ZNF324B: variants seen among roughly 807,000 people sequenced by gnomAD.
The protein encoded by ZNF324B is zinc finger protein 324B.
A neutral mutation model predicts 10.6 loss-of-function variants in ZNF324B; 7 were observed. The observed-to-expected ratio is 0.66, with a 90% CI of 0.38 to 1.24. The LOEUF (loss-of-function observed/expected upper bound fraction) is 1.24. Ranked by LOEUF, ZNF324B falls within the 50% of genes most tolerant of loss-of-function variation. ZNF324B has a pLI of 0.02. For synonymous variants in ZNF324B, 316 were observed against 321.0 expected, an observed-to-expected ratio of 0.98 and a Z score of 0.17; for missense variants, 640 against 764.7, an observed-to-expected ratio of 0.84 and a Z score of 1.92.
the ZNF324B span, chr19:58,433,657 T>G: frequency 6.8e-6 from 11 of 1,614,066 alleles, no homozygotes; most frequent in Non-Finnish European, 9.3e-6. Context: ...ATAAGGCTTT[T>G]CTCCAGTATG....
the ZNF324B span, chr19:58,433,541 C>A: frequency 1.2e-6 from 2 of 1,614,026 alleles, no homozygotes; most frequent in African/African-American, 1.3e-5. Context: ...CTGCTAAAGG[C>A]TCTCCCACAT....
In ZNF324B at chr19:58,456,397, C is replaced by A; in HGVS notation, c.1453C>A (p.Gln485Lys). Residue 485 changes from glutamine (Q) to lysine (K), a missense_variant, in exon 4 of 4, where the codon CAG becomes AAG. Physicochemically the swap from Gln to Lys is moderately conservative, Grantham distance 53 (BLOSUM62 1). Transcript: ENST00000336614. This position sits in a 1 kb window ranked among gnomAD's most constrained non-coding sequence, Gnocchi z 4.7. ...GGGCGAGAAGCCCTTCGTGTGCACG[C>A]AGTGTGGCCGCGCCTTCCGTGAGCG... ...HTGEKPFVCT[Q>K]CGRAFRERPA... is the part of the protein sequence containing the mutation. 6.2e-7 allele frequency: 1 copy of A among 1,613,254 alleles called. No homozygotes were observed. The highest frequency in any genetic ancestry group is 8.5e-7 in the Non-Finnish European group (1 of 1,180,028).
In ZNF324B at chr19:58,456,790, A is replaced by C. The variant is rs2052927478; in HGVS notation, c.*211A>C. 1 of 624,584 alleles carries C rather than the reference A, an allele frequency of 1.6e-6. No individual in the cohort carries two copies. The highest frequency in any genetic ancestry group is 3.0e-5 in the Admixed American group (1 of 33,816). The allele number at this position is 624,584 out of a possible 1,614,324, so 38.7% of individuals were successfully genotyped here. A position where few individuals can be genotyped will look rare whatever the true frequency, so the allele number is the denominator to read the frequency against. On this transcript the variant is annotated 3_prime_UTR_variant, in exon 4 of 4. Coordinates refer to ENST00000336614, the MANE Select transcript of ZNF324B (RefSeq NM_207395.3). This position sits in a 1 kb window ranked among gnomAD's most constrained non-coding sequence, Gnocchi z 4.7. The stretch of plus-strand genomic sequence containing the variant: ...TCACACCTCCATCCTCAAAGAGGTA[A>C]CACTGCAGAAACATCAGAGGGAGGA...
At chr19:58,440,506 C>T in the ZNF324B span, 1 of 152,598 alleles carries the variant, frequency 6.6e-6, no homozygotes, top group Non-Finnish European at 1.5e-5. Context: ...TTGTCTGCTT[C>T]TGAAGGGACC....
At chr19:58,421,918 C>T in the ZNF324B span, among the ~76,000 whole-genome samples, 1 of 151,788 alleles carries the variant, frequency 6.6e-6, no homozygotes, top group African/African-American at 2.4e-5. Context: ...ATAAAAATGT[C>T]ACTAGGTTTT....
At chr19:58,443,477 C>T in the ZNF324B span, 4 of 152,364 alleles carry the variant, frequency 2.6e-5, no homozygotes, top group Non-Finnish European at 5.9e-5. Context: ...GTGATGGTCC[C>T]TGCACCCACT....
chr19:58,457,410 A>G lies in ZNF324B; in HGVS notation c.*831A>G, dbSNP rs2052933297. 6.6e-6 allele frequency: 1 copy of G among 152,448 alleles called. No homozygotes were observed. The highest frequency in any genetic ancestry group is 2.4e-5 in the African/African-American group (1 of 41,450). The allele number at this position is 152,448 out of a possible 1,614,324, so 9.4% of individuals were successfully genotyped here. The stretch of plus-strand genomic sequence containing the variant: ...AAGGCCTGTCGCTCACTCATTTACA[A>G]AAGTCGATGTGAGGAGGAGCCTTTA... On this transcript the variant is annotated 3_prime_UTR_variant, in exon 4 of 4. Transcript: ENST00000336614.
At position 58,454,266 on chromosome 19, in the gene ZNF324B, G is replaced by C; in HGVS notation, c.160G>C (p.Glu54Gln). Residue 54 changes from glutamate (E) to glutamine (Q), a missense_variant, in exon 3 of 4, where the codon GAG becomes CAG. Glu to Gln is a conservative substitution (Grantham distance 29). This residue lies in a region of ZNF324B where 345 missense variants were observed against 387.9 expected (regional missense o/e 0.89). Transcript: ENST00000336614. Reference sequence around the variant, plus strand: ...CCGACCTCGTGTGGTCATTCAACTTGAGCGTGGCGAGGAGCCCTGGGTTCC... The same window carrying C: ...CCGACCTCGTGTGGTCATTCAACTTCAGCGTGGCGAGGAGCCCTGGGTTCC... Reference protein sequence around the residue: ...TSRPRVVIQLERGEEPWVPSG... With the variant: ...TSRPRVVIQLQRGEEPWVPSG... 1 of 1,614,102 alleles carries C rather than the reference G, an allele frequency of 6.2e-7. No homozygotes were observed. Among genetic ancestry groups the C allele is most frequent in the Non-Finnish European group, 8.5e-7 (1 of 1,179,990 alleles).
At chr19:58,442,998 G>A in the ZNF324B span, 1 of 32,078 alleles carries the variant, frequency 3.1e-5, no homozygotes, top group Non-Finnish European at 5.7e-5. Context: ...CCATTATACA[G>A]AGCACTGATT....
upstream of ZNF324B, among the ~76,000 whole-genome samples, chr19:58,449,283 T>C (rs2122331061): frequency 6.6e-6 from 1 of 152,330 alleles, no homozygotes; most frequent in East Asian, 1.9e-4. Flanking sequence ...TGCCCAGATT[T>C]GGAGCAGGCA....
chr19:58,438,434 C>A, the ZNF324B span, among the ~76,000 whole-genome samples: 3,556 of 152,036 alleles, frequency 0.023, 129 homozygotes, highest in African/African-American at 0.08. Context: ...GAAATCTACT[C>A]CTCACACCAA....
the ZNF324B span, chr19:58,437,919 G>A: frequency 2.2e-6 from 1 of 446,818 alleles, no homozygotes; most frequent in South Asian, 9.5e-5. Flanking sequence ...CTTTGTATGT[G>A]TTGTCTCCTC....
At position 58,455,835 on chromosome 19, in the gene ZNF324B, G is replaced by A. The variant is rs754810744; in HGVS notation, c.891G>A (p.Thr297=). Residue 297 remains threonine (T), a synonymous_variant, in exon 4 of 4, where the codon ACG becomes ACA. Transcript: ENST00000336614. The surrounding 1 kb of genome is among the most constrained non-coding windows in gnomAD (Gnocchi z 7.0). ...CTQCGKAFSQ[T]SHLTQHQRIH... ...AGTGCGGCAAGGCCTTCAGCCAGAC[G>A]TCGCACTTGACGCAGCACCAGCGCA... is the stretch of plus-strand genomic sequence containing the variant. The A allele has an allele frequency of 6.2e-7, 1 of 1,613,744 alleles. No individual in the cohort carries two copies. Among genetic ancestry groups the A allele is most frequent in the Non-Finnish European group, 8.5e-7 (1 of 1,179,908 alleles).
At chr19:58,451,996 G>C (rs1051750309) in intron 1 of ZNF324B, 9 of 240,816 alleles carry the variant, frequency 3.7e-5, no homozygotes, top group African/African-American at 1.7e-4. Context: ...CCGCGCCGGG[G>C]GGGCGGGGGA....
At chr19:58,427,002 C>CT in the ZNF324B span, among the ~76,000 whole-genome samples, 1 of 152,248 alleles carries the variant, frequency 6.6e-6, no homozygotes, top group African/African-American at 2.4e-5. Context: ...TGGCAAACAT[C>CT]TATCTTCCCC....
At chr19:58,454,707 C>G in intron 3 of ZNF324B, 2 of 566,180 alleles carry the variant, frequency 3.5e-6, no homozygotes, top group Non-Finnish European at 3.1e-6. Flanking sequence ...GACCAGGACA[C>G]TCATGGTCCT....
chr19:58,439,263 T>C, the ZNF324B span, among the ~76,000 whole-genome samples: 1 of 152,056 alleles, frequency 6.6e-6, no homozygotes, highest in Non-Finnish European at 1.5e-5. Flanking sequence ...ACCATCACCA[T>C]CCCTCCAGTC....
In ZNF324B at chr19:58,451,672, G is replaced by A. The variant is rs760918707; in HGVS notation, c.-39G>A. On this transcript the variant is annotated 5_prime_UTR_variant, in exon 1 of 4. Coordinates refer to ENST00000336614, the MANE Select transcript of ZNF324B (RefSeq NM_207395.3). ...ACACCGGTGGTCTGGGCTGTGGCGC[G>A]CGGGTCGGGGCCCGAGGCGGGCGGC... The A allele has an allele frequency of 2.0e-6, 1 of 505,644 alleles. No individual in the cohort carries two copies. Among genetic ancestry groups the A allele is most frequent in the South Asian group, 1.4e-5 (1 of 70,960 alleles). 31.3% of individuals were successfully genotyped at this position (505,644 alleles called of 1,614,324 possible). A position where few individuals can be genotyped will look rare whatever the true frequency, so the allele number is the denominator to read the frequency against.
Position 58,454,249 on chromosome 19 carries a change from G to C in ZNF324B, c.143G>C (p.Arg48Pro), listed in dbSNP as rs749463766. 1.2e-6 allele frequency: 2 copies of C among 1,614,004 alleles called. No individual in the cohort carries two copies. The highest frequency in any genetic ancestry group is 2.7e-5 in the African/African-American group (2 of 75,030). Reference protein sequence around the residue: ...TSLGLSTSRPRVVIQLERGEE... With the variant: ...TSLGLSTSRPPVVIQLERGEE... ...ACAGGACTCTCTACCTCCCGACCTCGTGTGGTCATTCAACTTGAGCGTGGC... is the reference window on the plus strand; with the variant it reads ...ACAGGACTCTCTACCTCCCGACCTCCTGTGGTCATTCAACTTGAGCGTGGC... The change falls in exon 3 of 4, where the codon CGT becomes CCT. Residue 48 changes from arginine to proline, a missense_variant. Coordinates refer to ENST00000336614, the MANE Select transcript of ZNF324B (RefSeq NM_207395.3).
Sources: allele counts gnomAD v4.1 joint callset (sites outside exome capture counted in the v4.1 genomes callset), GRCh38; gene constraint gnomAD v4.1.1; regional missense constraint gnomAD v4.1.1; non-coding constraint Gnocchi (gnomAD v3.1); transcripts MANE v1.5; gene names NCBI Gene and HGNC (gene_info 2026-07-23, HGNC 2026-07-21).